The following PHF6 variants were observed in gnomAD, a reference collection of about 807,000 sequenced individuals.
PHF6 encodes the protein PHD finger protein 6, also known as PHD-like zinc finger protein.
In PHF6, 7 loss-of-function variants were observed where a neutral mutation model predicts 34.0. That is an observed-to-expected ratio of 0.21 (90% CI 0.12 to 0.39). The LOEUF is 0.39. PHF6 is among the 10% of genes least tolerant of loss of function. The pLI, the probability that PHF6 is intolerant of heterozygous loss-of-function variation, is 1.00. For missense variants in PHF6, 128 were observed against 262.8 expected (o/e 0.49, Z 3.55); for synonymous variants, 89 against 88.4 (o/e 1.01, Z -0.04).
intron 5 of PHF6, among the ~76,000 whole-genome samples, chrX:134,412,148 GAA>G (rs1462981810): frequency 8.9e-6 from 1 of 112,432 alleles, no homozygotes; most frequent in Non-Finnish European, 1.9e-5. Context: ...GTTAAGGAGA[GAA>G]AACATCTTTA....
chrX:134,418,282 C>T (rs1443518212), intron 9 of PHF6: 1 of 111,755 alleles, frequency 8.9e-6, no homozygotes, highest in Admixed American at 9.5e-5. Flanking sequence ...AAAAGATTCT[C>T]TTGAGAAGAT....
At chrX:134,378,811 T>TA (rs1331376720) in intron 3 of PHF6, among the ~76,000 whole-genome samples, 1 of 112,318 alleles carries the variant, frequency 8.9e-6, no homozygotes, top group African/African-American at 3.2e-5. Context: ...GGGATCTCGT[T>TA]ATATTGCCCA....
rs2077474867 is a variant in PHF6, at chrX:134,417,055, C to T, written c.835-114C>T. 3.7e-6 allele frequency: 3 copies of T among 803,802 alleles called. No homozygotes were observed. The Admixed American group carries it at 7.6e-5, about 20-fold the overall frequency. The allele number at this position is 803,802 out of a possible 1,213,427, so 66.2% of individuals were successfully genotyped here. Reference sequence around the variant, plus strand: ...GCTTATCAAAGTATGGTTTAAGTTGCAGCATTATTTCAGTTATATGCTATG... The same window carrying T: ...GCTTATCAAAGTATGGTTTAAGTTGTAGCATTATTTCAGTTATATGCTATG... On this transcript the variant is annotated intron_variant, in intron 8 of 10. Transcript: ENST00000370803.
At chrX:134,405,265 C>T (rs1469712302) in intron 5 of PHF6, among the ~76,000 whole-genome samples, 2 of 111,295 alleles carry the variant, frequency 1.8e-5, no homozygotes, top group East Asian at 2.8e-4. Context: ...TGCAGTGGTG[C>T]GATCTCGGCT....
chrX:134,399,691 A>G (rs1231890229), intron 5 of PHF6, among the ~76,000 whole-genome samples: 4 of 109,389 alleles, frequency 3.7e-5, no homozygotes, highest in Non-Finnish European at 7.6e-5. Flanking sequence ...ACACAGACAC[A>G]CACACACACA....
At chrX:134,396,524 T>A (rs761897638) in intron 5 of PHF6, among the ~76,000 whole-genome samples, 1 of 111,589 alleles carries the variant, frequency 9.0e-6, no homozygotes, top group Non-Finnish European at 1.9e-5. Context: ...ACTGGCAGCA[T>A]TATTATAACT....
chrX:134,422,679 T>C (rs1191841378), intron 9 of PHF6, among the ~76,000 whole-genome samples: 1 of 111,793 alleles, frequency 8.9e-6, no homozygotes, highest in Admixed American at 9.5e-5. Context: ...TATCCTGTTT[T>C]ATTGTCTTTA....
chrX:134,408,377 C>T (rs778711499), intron 5 of PHF6, among the ~76,000 whole-genome samples: 1 of 112,024 alleles, frequency 8.9e-6, no homozygotes, highest in Non-Finnish European at 1.9e-5. Context: ...GTTGCCAAGT[C>T]AAAGGGTCTA....
In PHF6 at chrX:134,425,263, G is replaced by T. The variant is rs1179338366; in HGVS notation, c.1031G>T (p.Ser344Ile). Residue 344 changes from serine to isoleucine, a missense_variant, in exon 10 of 11, where the codon AGT becomes ATT. By Grantham distance (142) the Ser-to-Ile change is moderately radical. Coordinates refer to ENST00000370803, the MANE Select transcript of PHF6 (RefSeq NM_001015877.2). ...ERDEEDEERESKSRGKVEIDQ... is the reference protein window; with the variant it reads ...ERDEEDEEREIKSRGKVEIDQ... Reference sequence around the variant, plus strand: ...GATGAAGAAGATGAGGAACGAGAGAGTAAAAGCCGAGGAAAAGTAGAAATT... The same window carrying T: ...GATGAAGAAGATGAGGAACGAGAGATTAAAAGCCGAGGAAAAGTAGAAATT... 4.1e-6 allele frequency: 5 copies of T among 1,208,574 alleles called. No homozygotes were observed. The highest frequency in any genetic ancestry group is 5.6e-6 in the Non-Finnish European group (5 of 894,160).
intron 5 of PHF6, 76 bp from the exon 6 acceptor site, chrX:134,413,415 A>G: frequency 3.8e-6 from 4 of 1,041,530 alleles, no homozygotes; most frequent in Non-Finnish European, 5.4e-6. Flanking sequence ...AAGGAGAAAC[A>G]TATGTCCTAA....
chrX:134,415,319 T>A, intron 8 of PHF6, 199 bp downstream of exon 8: 1 of 611,108 alleles, frequency 1.6e-6, no homozygotes. Context: ...ACTTCATTAC[T>A]TTAAGAGAAT....
At chrX:134,373,540 C>G (rs1156245165) in intron 1 of PHF6, 73 bp downstream of exon 1, 1 of 111,369 alleles carries the variant, frequency 9.0e-6, no homozygotes, top group Non-Finnish European at 1.9e-5. Context: ...TGGCGGTGGC[C>G]AGGCCGCCGC....
At chrX:134,388,158 A>G (rs1387371757) in intron 3 of PHF6, among the ~76,000 whole-genome samples, 1 of 111,906 alleles carries the variant, frequency 8.9e-6, no homozygotes, top group Non-Finnish European at 1.9e-5. Context: ...TTGTCTAGTT[A>G]TTTGGATATG....
intron 5 of PHF6, among the ~76,000 whole-genome samples, chrX:134,400,390 C>CTTTTT (rs59456723): frequency 1.3e-5 from 1 of 79,859 alleles, no homozygotes; most frequent in Non-Finnish European, 2.4e-5. Context: ...CAGCCTTTGC[C>CTTTTT]TTTTTTTTTT....
At chrX:134,393,039 C>T (rs1226633618) in intron 3 of PHF6, among the ~76,000 whole-genome samples, 1 of 111,886 alleles carries the variant, frequency 8.9e-6, no homozygotes, top group Non-Finnish European at 1.9e-5. Context: ...ACCTTGTGAT[C>T]TGCCTGCCTC....
intron 5 of PHF6, among the ~76,000 whole-genome samples, chrX:134,409,933 T>A (rs1026856688): frequency 9.0e-6 from 1 of 111,482 alleles, no homozygotes; most frequent in African/African-American, 3.3e-5. Context: ...TCCTGCCATA[T>A]CCTTATTGCC....
intron 5 of PHF6, among the ~76,000 whole-genome samples, chrX:134,398,718 A>G (rs1370934559): frequency 8.9e-6 from 1 of 111,838 alleles, no homozygotes; most frequent in Non-Finnish European, 1.9e-5. Context: ...GGCGTATCCA[A>G]ATGGGTGACG....
At chrX:134,425,153 A>T in intron 9 of PHF6, 48 bp from the exon 10 acceptor site, 1 of 1,201,937 alleles carries the variant, frequency 8.3e-7, no homozygotes, top group Non-Finnish European at 1.1e-6. Context: ...AGGAATGTTC[A>T]TCAGCAGTGA....
intron 3 of PHF6, among the ~76,000 whole-genome samples, chrX:134,383,665 T>C (rs752711487): frequency 4.5e-5 from 5 of 111,809 alleles, no homozygotes; most frequent in Non-Finnish European, 7.5e-5. Flanking sequence ...TTTTTAATGC[T>C]GATAATCATG....
Sources: allele counts gnomAD v4.1 joint callset (sites outside exome capture counted in the v4.1 genomes callset), GRCh38; gene constraint gnomAD v4.1.1; transcripts MANE v1.5; gene names NCBI Gene and HGNC (gene_info 2026-07-23, HGNC 2026-07-21).